The following ZMYM2 variants were observed in gnomAD, a reference collection of about 807,000 sequenced individuals.
ZMYM2 encodes zinc finger MYM-type containing 2, also known as zinc finger MYM-type protein 2.
ZMYM2 carries 56 observed loss-of-function variants against 162.8 expected under a neutral mutation model. The ratio of observed to expected loss-of-function variants is 0.34; its 90% CI spans 0.28 to 0.43. The LOEUF (loss-of-function observed/expected upper bound fraction) is 0.43. Among genes scored for constraint, ZMYM2 ranks in the 20% least tolerant of loss-of-function variants. The probability of loss-of-function intolerance (pLI) is 1.00; values close to 1 mark genes in which losing one functional copy is unlikely to be tolerated. For synonymous variants in ZMYM2, 510 were observed against 541.6 expected (o/e 0.94, Z 0.81); for missense variants, 1,275 against 1,621.8 (o/e 0.79, Z 3.67).
chr13:19,907,060 G>A, the ZMYM2 span, among the ~76,000 whole-genome samples: 1 of 151,882 alleles, frequency 6.6e-6, no homozygotes, highest in Non-Finnish European at 1.5e-5. Flanking sequence ...TGTTCATAAT[G>A]GCTTCTTCTT....
At chr13:19,947,539 A>G in the ZMYM2 span, among the ~76,000 whole-genome samples, 4 of 147,106 alleles carry the variant, frequency 2.7e-5, no homozygotes, top group African/African-American at 1.0e-4. Context: ...GGCTCACTGC[A>G]ACTTCCGCCT....
chr13:19,893,900 A>G, the ZMYM2 span, among the ~76,000 whole-genome samples: 1 of 151,874 alleles, frequency 6.6e-6, no homozygotes, highest in Non-Finnish European at 1.5e-5. Flanking sequence ...AGCTCTCCCA[A>G]GCAGCTGGTC....
chr13:19,939,248 T>A, the ZMYM2 span, among the ~76,000 whole-genome samples: 3 of 152,110 alleles, frequency 2.0e-5, no homozygotes, highest in Admixed American at 1.3e-4. Flanking sequence ...GGTCTTGAAC[T>A]CCTGACCTCA....
At chr13:19,985,447 A>G (rs1949054685) in intron 2 of ZMYM2, among the ~76,000 whole-genome samples, 1 of 151,994 alleles carries the variant, frequency 6.6e-6, no homozygotes, top group Admixed American at 6.5e-5. Context: ...TTTAAATCCC[A>G]TTGTAGGTTG....
chr13:20,019,514 GT>G (rs1951895670), intron 6 of ZMYM2, 32 bp from the exon 7 acceptor site: 1 of 1,525,734 alleles, frequency 6.6e-7, no homozygotes. Flanking sequence ...TTCTTTATGT[GT>G]GTTTATAAAG....
the ZMYM2 span, among the ~76,000 whole-genome samples, chr13:19,927,323 A>G: frequency 6.6e-6 from 1 of 152,216 alleles, no homozygotes; most frequent in Admixed American, 6.6e-5. Context: ...AGAGGTAGCC[A>G]TTATCTTGAA....
At position 19,986,267 on chromosome 13, in the gene ZMYM2, A is replaced by G. The variant is rs190953496; in HGVS notation, c.-10-6796A>G. Among the ~76,000 whole-genome samples, 767 of 152,220 alleles carry G rather than the reference A, an allele frequency of 5.0e-3. 3 individuals carry two copies. Among genetic ancestry groups the G allele is most frequent in the Middle Eastern group, 0.014 (4 of 294 alleles). On this transcript the variant is annotated intron_variant, in intron 2 of 24. Transcript: ENST00000610343. ...ATTCTGTTTAAAAGCTTAACCTAGC[A>G]CACACCTATAGTCCTAGCTACACAG...
chr13:20,016,450 T>A (rs1328953973), intron 6 of ZMYM2, among the ~76,000 whole-genome samples: 2 of 152,302 alleles, frequency 1.3e-5, no homozygotes, highest in East Asian at 3.9e-4. Context: ...CTCCCATATA[T>A]TTACTAAAGA....
At chr13:19,898,405 T>C in the ZMYM2 span, among the ~76,000 whole-genome samples, 21,124 of 151,734 alleles carry the variant, frequency 0.14, 1,766 homozygotes, top group African/African-American at 0.25. Flanking sequence ...GCTAATTTTT[T>C]TGTATTTTTA....
the ZMYM2 span, among the ~76,000 whole-genome samples, chr13:19,932,097 C>T: frequency 3.3e-5 from 5 of 152,162 alleles, no homozygotes; most frequent in African/African-American, 1.2e-4. Context: ...TTTAATAACT[C>T]AGTCTATTTT....
chr13:19,987,222 A>C (rs1949228602), intron 2 of ZMYM2, among the ~76,000 whole-genome samples: 2 of 152,090 alleles, frequency 1.3e-5, no homozygotes, highest in African/African-American at 4.8e-5. Context: ...GCTATTAAGC[A>C]AAATGAAATT....
At chr13:19,955,684 C>T (rs760099951), upstream of ZMYM2, among the ~76,000 whole-genome samples, 3 of 152,016 alleles carry the variant, frequency 2.0e-5, no homozygotes, top group Non-Finnish European at 2.9e-5. Context: ...TGCAGTGGTG[C>T]GCTCTCGGCT....
At position 20,076,075 on chromosome 13, in the gene ZMYM2, A is replaced by G. The variant is rs984163951; in HGVS notation, c.3454-5941A>G. On this transcript the variant is annotated intron_variant, in intron 21 of 24. Coordinates refer to ENST00000610343, the MANE Select transcript of ZMYM2 (RefSeq NM_197968.4). ...CTGTTTTTCATGAATGTGATGAAAG[A>G]GATAGTTTTGTCAGCTAGGAACACT... Among the ~76,000 whole-genome samples, 8 of 149,712 alleles carry G rather than the reference A, an allele frequency of 5.3e-5. 1 individual carries two copies. Among genetic ancestry groups the G allele is most frequent in the African/African-American group, 2.0e-4 (8 of 39,080 alleles).
chr13:20,039,447 T>C (rs977445628), intron 12 of ZMYM2, among the ~76,000 whole-genome samples: 1 of 151,364 alleles, frequency 6.6e-6, no homozygotes, highest in Non-Finnish European at 1.5e-5. Context: ...TTGAGGTATA[T>C]TTCTTCAATA....
the ZMYM2 span, among the ~76,000 whole-genome samples, chr13:19,902,692 A>G: frequency 6.6e-6 from 1 of 151,996 alleles, no homozygotes; most frequent in African/African-American, 2.4e-5. Context: ...TAAAATATGA[A>G]GTTTTATATT....
the ZMYM2 span, among the ~76,000 whole-genome samples, chr13:19,937,062 A>G: frequency 1.3e-5 from 2 of 152,102 alleles, no homozygotes; most frequent in Non-Finnish European, 2.9e-5. Context: ...ACGCAGCTTC[A>G]GTAATATTAA....
intron 2 of ZMYM2, among the ~76,000 whole-genome samples, chr13:19,971,263 T>TATATATATATA (rs60439404): frequency 1.5e-4 from 10 of 64,518 alleles, no homozygotes; most frequent in Admixed American, 2.6e-4. Context: ...TATATATATA[T>TATATATATATA]TTTTTTTTTT....
At chr13:19,994,976 G>C (rs1949910365) in intron 3 of ZMYM2, among the ~76,000 whole-genome samples, 1 of 148,218 alleles carries the variant, frequency 6.7e-6, no homozygotes, top group Admixed American at 6.9e-5. Context: ...GGGACCACAG[G>C]TGTGAGCCAC....
chr13:19,951,487 C>T, the ZMYM2 span, among the ~76,000 whole-genome samples: 22 of 133,388 alleles, frequency 1.6e-4, no homozygotes, highest in Admixed American at 3.6e-4. Flanking sequence ...GTCAGGAGCT[C>T]GAGACCAGCC....
Sources: gnomAD v4.1 joint callset for allele counts (sites outside exome capture counted in the v4.1 genomes callset) on GRCh38, gnomAD v4.1.1 for gene constraint, MANE v1.5 for transcripts, NCBI Gene and HGNC (gene_info 2026-07-23, HGNC 2026-07-21) for gene names.